GLRX5: variants seen among roughly 807,000 people sequenced by gnomAD.
GLRX5 encodes the protein glutaredoxin 5.
A neutral mutation model predicts 13.8 loss-of-function variants in GLRX5; 10 were observed. The ratio of observed to expected loss-of-function variants is 0.72; its 90% CI spans 0.45 to 1.23. The LOEUF is 1.23. Among genes scored for constraint, GLRX5 ranks in the 50% most tolerant of loss-of-function variants. The probability of loss-of-function intolerance (pLI) is 0.00; values close to 1 mark genes in which losing one functional copy is unlikely to be tolerated. For missense variants in GLRX5, 233 were observed against 215.2 expected (o/e 1.08, Z -0.52); for synonymous variants, 98 against 101.1 (o/e 0.97, Z 0.18).
Position 95,544,130 on chromosome 14 carries a change from G to A in GLRX5, c.*5G>A, listed in dbSNP as rs144334776. ...AAAGACCAAGACTCCAAGTGAGGGC[G>A]GCCAAGTCCTCGCTGAGCAGAGAGG... On this transcript the variant is annotated 3_prime_UTR_variant, in exon 2 of 2. Transcript: ENST00000331334. 2.5e-4 allele frequency: 396 copies of A among 1,611,776 alleles called. No individual in the cohort carries two copies. The African/African-American group carries it at 3.4e-3, about 14-fold the overall frequency.
chr14:95,535,363 G>A lies in GLRX5; in HGVS notation c.274G>A (p.Asp92Asn), dbSNP rs1020388676. 29 of 1,551,636 alleles carry A rather than the reference G, an allele frequency of 1.9e-5. No individual in the cohort carries two copies. The highest frequency in any genetic ancestry group is 2.7e-5 in the African/African-American group (2 of 73,376). The part of the protein sequence containing the change: ...VRDYAAYNVL[D>N]DPELRQGIKD... ...CGATTACGCGGCCTACAACGTGCTG[G>A]ACGACCCGGAGCTCCGACAAGGTCA... Residue 92 changes from aspartate (D) to asparagine (N), a missense_variant, in exon 1 of 2, where the codon GAC becomes AAC. Asp to Asn is a conservative substitution (Grantham distance 23). Transcript: ENST00000331334.
At chr14:95,539,944 G>A (rs1455768339) in intron 1 of GLRX5, among the ~76,000 whole-genome samples, 2 of 151,092 alleles carry the variant, frequency 1.3e-5, no homozygotes, top group Non-Finnish European at 2.9e-5. Context: ...AGGCTGAAGT[G>A]CAGGGGGCAA....
Position 95,544,005 on chromosome 14 carries a change from T to A in GLRX5, c.354T>A (p.Phe118Leu). ...TIPQVYLNGE[F>L]VGGCDILLQM... ...CGCAAGTGTACCTCAATGGCGAGTT[T>A]GTAGGGGGCTGTGACATTCTTCTGC... is the stretch of plus-strand genomic sequence containing the variant. The change falls in exon 2 of 2, where the codon TTT becomes TTA. Residue 118 changes from phenylalanine to leucine, a missense_variant. Coordinates refer to ENST00000331334, the MANE Select transcript of GLRX5 (RefSeq NM_016417.3). The A allele has an allele frequency of 6.2e-7, 1 of 1,614,094 alleles. No homozygotes were observed. Among genetic ancestry groups the A allele is most frequent in the Non-Finnish European group, 8.5e-7 (1 of 1,179,952 alleles).
rs758533267 is a variant in GLRX5, at chr14:95,544,117, T to C, written c.466T>C (p.Ser156Pro). The change falls in exon 2 of 2, where the codon TCC becomes CCC. Residue 156 changes from serine (S) to proline (P), a missense_variant. Coordinates refer to ENST00000331334, the MANE Select transcript of GLRX5 (RefSeq NM_016417.3). The stretch of plus-strand genomic sequence containing the variant: ...TTTAGATGAAAAGAAAGACCAAGAC[T>C]CCAAGTGAGGGCGGCCAAGTCCTCG... ...ALLDEKKDQD[S>P]K is the part of the protein sequence containing the mutation. 17 of 1,613,698 alleles carry C rather than the reference T, an allele frequency of 1.1e-5. No individual in the cohort carries two copies. Among genetic ancestry groups the C allele is most frequent in the East Asian group, 6.7e-5 (3 of 44,876 alleles).
At position 95,544,482 on chromosome 14, in the gene GLRX5, A is replaced by G. The variant is rs1035437767; in HGVS notation, c.*357A>G. On this transcript the variant is annotated 3_prime_UTR_variant, in exon 2 of 2. Transcript: ENST00000331334. The stretch of plus-strand genomic sequence containing the variant: ...AAATGTGTCAGTCTCCAAAGAGAGT[A>G]TCTCCCCCCAAATTTTGTGTAGCTT... The G allele has an allele frequency of 4.5e-6, 1 of 220,928 alleles. No individual in the cohort carries two copies. Among genetic ancestry groups the G allele is most frequent in the African/African-American group, 2.3e-5 (1 of 43,778 alleles). 13.7% of individuals were successfully genotyped at this position (220,928 alleles called of 1,614,324 possible).
At chr14:95,539,287 C>T (rs1326484474) in intron 1 of GLRX5, among the ~76,000 whole-genome samples, 1 of 152,126 alleles carries the variant, frequency 6.6e-6, no homozygotes, top group African/African-American at 2.4e-5. Flanking sequence ...CCTGTGTTGG[C>T]GCGTTCATTG....
At chr14:95,535,874 C>T (rs1566702914) in intron 1 of GLRX5, among the ~76,000 whole-genome samples, 1 of 152,068 alleles carries the variant, frequency 6.6e-6, no homozygotes, top group Non-Finnish European at 1.5e-5. Flanking sequence ...CTGAGGTTGC[C>T]CTTGAGGCTA....
At position 95,535,078 on chromosome 14, in the gene GLRX5, T is replaced by C; in HGVS notation, c.-12T>C. 1 of 1,335,134 alleles carries C rather than the reference T, an allele frequency of 7.5e-7. No homozygotes were observed. Among genetic ancestry groups the C allele is most frequent in the East Asian group, 4.0e-5 (1 of 24,986 alleles). 82.7% of individuals were successfully genotyped at this position (1,335,134 alleles called of 1,614,324 possible). A position where few individuals can be genotyped will look rare whatever the true frequency, so the allele number is the denominator to read the frequency against. On this transcript the variant is annotated 5_prime_UTR_variant, in exon 1 of 2. Transcript: ENST00000331334. Reference sequence around the variant, plus strand: ...GGCCCGGGCCGTCGTGGGCTCCGGCTTGCGTGCGGAGATGAGCGGGTCCCT... The same window carrying C: ...GGCCCGGGCCGTCGTGGGCTCCGGCCTGCGTGCGGAGATGAGCGGGTCCCT...
chr14:95,541,227 C>A (rs1891468158), intron 1 of GLRX5, among the ~76,000 whole-genome samples: 2 of 152,208 alleles, frequency 1.3e-5, no homozygotes, highest in South Asian at 4.1e-4. Context: ...TTTTTGAAAA[C>A]TAAAGTGTGA....
At chr14:95,543,816 GT>G (rs1241775789) in intron 1 of GLRX5, 130 bp from the exon 2 acceptor site, 2 of 775,370 alleles carry the variant, frequency 2.6e-6, no homozygotes, top group Non-Finnish European at 4.6e-6. Context: ...CAAGCACAGT[GT>G]TCTCAAGATT....
chr14:95,543,308 A>AT (rs1305384422), intron 1 of GLRX5: 23 of 362,158 alleles, frequency 6.4e-5, no homozygotes, highest in African/African-American at 4.4e-4. Context: ...TGGGACAGGG[A>AT]TTTTTCCCTG....
At chr14:95,542,097 C>T (rs1362290705) in intron 1 of GLRX5, among the ~76,000 whole-genome samples, 3 of 152,134 alleles carry the variant, frequency 2.0e-5, no homozygotes, top group Non-Finnish European at 4.4e-5. Context: ...GTTTTGTAAT[C>T]GGCATCATTG....
intron 1 of GLRX5, chr14:95,543,067 G>C (rs1891497392): frequency 2.2e-6 from 1 of 455,938 alleles, no homozygotes; most frequent in Non-Finnish European, 4.4e-6. Flanking sequence ...AGAGCCATTT[G>C]CACACAGGAC....
Position 95,535,369 on chromosome 14 carries a change from C to T in GLRX5, c.280C>T (p.Pro94Ser). 3 of 1,550,886 alleles carry T rather than the reference C, an allele frequency of 1.9e-6. No individual in the cohort carries two copies. The highest frequency in any genetic ancestry group is 2.4e-5 in the East Asian group (1 of 41,280). Reference sequence around the variant, plus strand: ...CGCGGCCTACAACGTGCTGGACGACCCGGAGCTCCGACAAGGTCAGGCCAG... The same window carrying T: ...CGCGGCCTACAACGTGCTGGACGACTCGGAGCTCCGACAAGGTCAGGCCAG... ...DYAAYNVLDD[P>S]ELRQGIKDYS... The change falls in exon 1 of 2, where the codon CCG becomes TCG. Residue 94 changes from proline (P) to serine (S), a missense_variant. Coordinates refer to ENST00000331334, the MANE Select transcript of GLRX5 (RefSeq NM_016417.3).
At chr14:95,537,013 C>G (rs1167471146) in intron 1 of GLRX5, among the ~76,000 whole-genome samples, 2 of 152,188 alleles carry the variant, frequency 1.3e-5, no homozygotes, top group Admixed American at 1.3e-4. Context: ...AGTCTTCCTT[C>G]GAAGACAGCT....
chr14:95,537,977 C>T (rs953733707), intron 1 of GLRX5, among the ~76,000 whole-genome samples: 1 of 152,132 alleles, frequency 6.6e-6, no homozygotes, highest in Non-Finnish European at 1.5e-5. Flanking sequence ...TAATCCTGGT[C>T]TTAATAAAGG....
At position 95,544,626 on chromosome 14, in the gene GLRX5, T is replaced by A. The variant is rs1179476678; in HGVS notation, c.*501T>A. On this transcript the variant is annotated 3_prime_UTR_variant, in exon 2 of 2. Coordinates refer to ENST00000331334, the MANE Select transcript of GLRX5 (RefSeq NM_016417.3). ...GCCTGAGTTGATTCCGAAGTGCATATGTCTGTAAGGATTTGGAGTGCCTGC... is the reference window on the plus strand; with the variant it reads ...GCCTGAGTTGATTCCGAAGTGCATAAGTCTGTAAGGATTTGGAGTGCCTGC... 1.8e-5 allele frequency: 3 copies of A among 169,208 alleles called. No individual in the cohort carries two copies. The highest frequency in any genetic ancestry group is 3.9e-5 in the Non-Finnish European group (3 of 77,502). 10.5% of individuals were successfully genotyped at this position (169,208 alleles called of 1,614,324 possible).
Position 95,535,553 on chromosome 14 carries a change from C to T in GLRX5, c.295+169C>T, listed in dbSNP as rs76474435. On this transcript the variant is annotated intron_variant, in intron 1 of 1. Transcript: ENST00000331334. Reference sequence around the variant, plus strand: ...GAGGAGTACTGCCCTGGAGTAGAGTCTGGGCTGAGGGTGTAGTTGATTTCA... The same window carrying T: ...GAGGAGTACTGCCCTGGAGTAGAGTTTGGGCTGAGGGTGTAGTTGATTTCA... Among the ~76,000 whole-genome samples the T allele has an allele frequency of 3.3e-3, 504 of 152,316 alleles. 13 individuals are homozygous for T. In the East Asian group the frequency reaches 0.047, roughly 14 times the overall value.
At chr14:95,539,590 G>A (rs181699796) in intron 1 of GLRX5, among the ~76,000 whole-genome samples, 119 of 152,330 alleles carry the variant, frequency 7.8e-4, no homozygotes, top group African/African-American at 2.7e-3. Context: ...CTGGGCAGGA[G>A]TGAGATGGCA....
Sources: allele counts gnomAD v4.1 joint callset (sites outside exome capture counted in the v4.1 genomes callset), GRCh38; gene constraint gnomAD v4.1.1; transcripts MANE v1.5; gene names NCBI Gene and HGNC (gene_info 2026-07-23, HGNC 2026-07-21).